CTPS2: variants seen among roughly 807,000 people sequenced by gnomAD.
CTPS2 encodes CTP synthase 2.
CTPS2 carries 19 observed loss-of-function variants against 46.8 expected under a neutral mutation model. That is an observed-to-expected ratio of 0.41 (90% CI 0.28 to 0.60). The LOEUF (loss-of-function observed/expected upper bound fraction) is 0.60, where lower values mean the gene tolerates loss of function less well. Ranked by LOEUF, CTPS2 falls within the 20% of genes least tolerant of loss-of-function variation. CTPS2 has a pLI of 0.35. For missense variants in CTPS2, 286 were observed against 447.6 expected (o/e 0.64, Z 3.26); for synonymous variants, 151 against 165.2 (o/e 0.91, Z 0.66).
intron 16 of CTPS2, among the ~76,000 whole-genome samples, chrX:16,612,856 C>G (rs1471050507): frequency 1.8e-5 from 2 of 112,072 alleles, no homozygotes; most frequent in Admixed American, 1.9e-4. Flanking sequence ...CTCCGGTGTC[C>G]TCTGTAAAGT....
In CTPS2 at chrX:16,667,442, C is replaced by G. The variant is rs934292322; in HGVS notation, c.1296+72G>C. The G allele has an allele frequency of 7.3e-6, 8 of 1,098,371 alleles. No homozygotes were observed. In the South Asian group the frequency reaches 7.5e-5, roughly 10 times the overall value. The allele number at this position is 1,098,371 out of a possible 1,213,427, so 90.5% of individuals were successfully genotyped here. On this transcript the variant is annotated intron_variant, in intron 13 of 18. Coordinates refer to ENST00000359276, the MANE Select transcript of CTPS2 (RefSeq NM_175859.3). The stretch of plus-strand genomic sequence containing the variant: ...AGCCATGGCGCCCAGCCAATAGCCC[C>G]TTATGAATTTAGGCAAGAGCCAGGA...
At chrX:16,589,856 C>T (rs1456539497) in intron 18 of CTPS2, 81 bp from the exon 19 acceptor site, 1 of 112,592 alleles carries the variant, frequency 8.9e-6, no homozygotes, top group African/African-American at 3.2e-5. Flanking sequence ...CTAACCTTTG[C>T]ACCATTTTGG....
chrX:16,620,373 G>A lies in CTPS2; in HGVS notation c.1394-41C>T, dbSNP rs757532877. 3.0e-6 allele frequency: 3 copies of A among 1,009,186 alleles called. No homozygotes were observed. In the Admixed American group the frequency reaches 6.7e-5, roughly 23 times the overall value. 83.2% of individuals were successfully genotyped at this position (1,009,186 alleles called of 1,213,427 possible). On this transcript the variant is annotated intron_variant, in intron 14 of 18. Transcript: ENST00000359276. ...AGCGAGATTAATATTAGAGTAAGCAGCTTCACAAGCACATCCATGATGCTT... is the reference window on the plus strand; with the variant it reads ...AGCGAGATTAATATTAGAGTAAGCAACTTCACAAGCACATCCATGATGCTT...
intron 17 of CTPS2, among the ~76,000 whole-genome samples, chrX:16,596,842 C>G (rs1929308622): frequency 9.4e-6 from 1 of 106,363 alleles, no homozygotes; most frequent in Non-Finnish European, 1.9e-5. Flanking sequence ...TCTCCACATC[C>G]TCTCCAGCAC....
intron 14 of CTPS2, among the ~76,000 whole-genome samples, chrX:16,635,008 A>G (rs111982402): frequency 0.013 from 1,446 of 110,445 alleles, 19 homozygotes; most frequent in African/African-American, 0.045. Flanking sequence ...GCGGCTATCA[A>G]TATCTTTAGG....
chrX:16,709,718 A>G (rs1925312015), intron 1 of CTPS2, among the ~76,000 whole-genome samples: 2 of 107,416 alleles, frequency 1.9e-5, no homozygotes, highest in Admixed American at 2.0e-4. Flanking sequence ...GCGTGGTGGC[A>G]CCCACCTGTA....
chrX:16,655,028 T>C (rs1046363420), intron 13 of CTPS2, among the ~76,000 whole-genome samples: 2 of 112,086 alleles, frequency 1.8e-5, no homozygotes. Flanking sequence ...TTGCTCCACT[T>C]TTCCACCAGA....
At chrX:16,628,925 C>A (rs1296791146) in intron 14 of CTPS2, among the ~76,000 whole-genome samples, 1 of 112,251 alleles carries the variant, frequency 8.9e-6, no homozygotes, top group East Asian at 2.8e-4. Flanking sequence ...ATCAGCCACA[C>A]TTAAACAGTG....
At chrX:16,670,486 C>A in intron 11 of CTPS2, 94 bp downstream of exon 11, 1 of 626,008 alleles carries the variant, frequency 1.6e-6, no homozygotes, top group Non-Finnish European at 2.5e-6. Context: ...AATCCGAGTT[C>A]ACACCTTTAC....
intron 8 of CTPS2, among the ~76,000 whole-genome samples, chrX:16,684,101 C>T (rs1322897952): frequency 9.0e-6 from 1 of 111,690 alleles, no homozygotes; most frequent in Non-Finnish European, 1.9e-5. Context: ...GTATTAGGTA[C>T]GTGGAAATGT....
At chrX:16,629,589 A>T (rs766755224) in intron 14 of CTPS2, among the ~76,000 whole-genome samples, 3 of 110,345 alleles carry the variant, frequency 2.7e-5, no homozygotes, top group African/African-American at 9.9e-5. Flanking sequence ...TTTCACGAAC[A>T]TTCAATGTTG....
intron 10 of CTPS2, among the ~76,000 whole-genome samples, chrX:16,674,378 G>C (rs1463242066): frequency 9.1e-6 from 1 of 109,932 alleles, no homozygotes; most frequent in Non-Finnish European, 1.9e-5. Flanking sequence ...AGTCAGGCTG[G>C]TCTAGAACTC....
At chrX:16,690,786 C>T (rs1339979044) in intron 7 of CTPS2, among the ~76,000 whole-genome samples, 2 of 112,082 alleles carry the variant, frequency 1.8e-5, no homozygotes, top group Non-Finnish European at 1.9e-5. Context: ...AGCAGAGAAC[C>T]TAAGCCCAAA....
Position 16,704,731 on chromosome X carries a change from T to C in CTPS2, c.-39-1790A>G, listed in dbSNP as rs193049539. Among the ~76,000 whole-genome samples, 631 of 111,074 alleles carry C rather than the reference T, an allele frequency of 5.7e-3. 6 individuals carry two copies. Among genetic ancestry groups the C allele is most frequent in the African/African-American group, 0.02 (599 of 30,643 alleles). On this transcript the variant is annotated intron_variant, in intron 1 of 18. Coordinates refer to ENST00000359276, the MANE Select transcript of CTPS2 (RefSeq NM_175859.3). ...GGGAGGCTGAGGCGGGCAGATCACC[T>C]GAGGTCGGGAGGTCAAGACCAGCCT...
chrX:16,600,053 A>G (rs1929567990), intron 17 of CTPS2, among the ~76,000 whole-genome samples: 1 of 112,621 alleles, frequency 8.9e-6, no homozygotes. Flanking sequence ...TGCTGGGATT[A>G]CAGACCCACT....
At chrX:16,615,574 T>G (rs1366572917) in intron 16 of CTPS2, among the ~76,000 whole-genome samples, 2 of 111,328 alleles carry the variant, frequency 1.8e-5, no homozygotes, top group Non-Finnish European at 3.8e-5. Flanking sequence ...TCATTCCAGA[T>G]GAGTCCTGCT....
intron 1 of CTPS2, among the ~76,000 whole-genome samples, chrX:16,708,172 G>C (rs1925168488): frequency 8.9e-6 from 1 of 111,941 alleles, no homozygotes; most frequent in African/African-American, 3.2e-5. Context: ...TGCCCATTCT[G>C]ATTTTGTGGT....
intron 17 of CTPS2, among the ~76,000 whole-genome samples, chrX:16,603,285 C>T (rs988644854): frequency 5.5e-5 from 6 of 109,718 alleles, no homozygotes; most frequent in Admixed American, 9.8e-5. Context: ...GGCATGGTGG[C>T]GGGCACCTGT....
At position 16,588,264 on chromosome X, in the gene CTPS2, G is replaced by T. The variant is rs928013577; in HGVS notation, c.*1553C>A. 2.7e-5 allele frequency: 3 copies of T among 111,927 alleles called. No homozygotes were observed. In the Admixed American group the frequency reaches 2.8e-4, roughly 11 times the overall value. 9.2% of individuals were successfully genotyped at this position (111,927 alleles called of 1,213,427 possible). On this transcript the variant is annotated 3_prime_UTR_variant, in exon 19 of 19. Coordinates refer to ENST00000359276, the MANE Select transcript of CTPS2 (RefSeq NM_175859.3). Reference sequence around the variant, plus strand: ...AATGGGCCACCTGGTGGTCTGGCCAGCGGCAACAAGGCTGTAAATCAATTA... The same window carrying T: ...AATGGGCCACCTGGTGGTCTGGCCATCGGCAACAAGGCTGTAAATCAATTA...
Sources: gnomAD v4.1 joint callset for allele counts (sites outside exome capture counted in the v4.1 genomes callset) on GRCh38, gnomAD v4.1.1 for gene constraint, MANE v1.5 for transcripts, NCBI Gene and HGNC (gene_info 2026-07-23, HGNC 2026-07-21) for gene names.